Variants in PCDHGB1 observed in about 807,000 individuals in gnomAD.
The protein encoded by PCDHGB1 is protocadherin gamma subfamily B, 1.
In PCDHGB1, 34 loss-of-function variants were observed where a neutral mutation model predicts 56.6. That is an observed-to-expected ratio of 0.60 (90% CI 0.46 to 0.80). PCDHGB1 has a LOEUF of 0.80. PCDHGB1 is among the 30% of genes least tolerant of loss of function. PCDHGB1 has a pLI of 0.00. For synonymous variants in PCDHGB1, 561 were observed against 505.9 expected (o/e 1.11, Z -1.46); for missense variants, 1,278 against 1,204.6 (o/e 1.06, Z -0.90).
intron 1 of PCDHGB1, chr5:141,370,499 C>T (rs552448276): frequency 2.5e-6 from 4 of 1,613,946 alleles, no homozygotes; most frequent in Non-Finnish European, 3.4e-6. Flanking sequence ...CGATCCGCTA[C>T]GCTATTCCCG....
At chr5:141,414,352 T>C in intron 1 of PCDHGB1, 8 of 1,613,968 alleles carry the variant, frequency 5.0e-6, no homozygotes, top group Non-Finnish European at 6.8e-6. Flanking sequence ...CATTTTGGCG[T>C]ATCTACCATT....
At chr5:141,365,152 CG>C in intron 1 of PCDHGB1, 1 of 1,613,880 alleles carries the variant, frequency 6.2e-7, no homozygotes, top group South Asian at 1.1e-5. Context: ...AGGGAATAAA[CG>C]GGAAATTGAC....
intron 1 of PCDHGB1, chr5:141,409,896 C>T (rs1181128940): frequency 6.2e-7 from 1 of 1,613,240 alleles, no homozygotes; most frequent in East Asian, 2.2e-5. Flanking sequence ...GTGCTGTACC[C>T]AGCTCTGGGT....
chr5:141,485,601 G>T lies in PCDHGB1; in HGVS notation c.2410-9206G>T, dbSNP rs762783104. On this transcript the variant is annotated intron_variant, in intron 1 of 3. Transcript: ENST00000523390. The surrounding 1 kb of genome is among the most constrained non-coding windows in gnomAD (Gnocchi z 5.7). ...CGGCAGCAGCTGGACTTGGAAATTG[G>T]GGAGGCAGCTCCTCCAGGACAGCGT... The T allele has an allele frequency of 3.1e-6, 5 of 1,612,290 alleles. No individual in the cohort carries two copies. Among genetic ancestry groups the T allele is most frequent in the Non-Finnish European group, 4.2e-6 (5 of 1,178,722 alleles).
In PCDHGB1 at chr5:141,476,087, C is replaced by T. The variant is rs758610836; in HGVS notation, c.2410-18720C>T. The stretch of plus-strand genomic sequence containing the variant: ...AGCGAAATCTCAGGGACGATCTGGA[C>T]CCCGCTGAGAGGAACTGCTTTTGAG... On this transcript the variant is annotated intron_variant, in intron 1 of 3. Coordinates refer to ENST00000523390, the MANE Select transcript of PCDHGB1 (RefSeq NM_018922.3). This position sits in a 1 kb window ranked among gnomAD's most constrained non-coding sequence, Gnocchi z 7.6. 9 of 1,553,656 alleles carry T rather than the reference C, an allele frequency of 5.8e-6. No individual in the cohort carries two copies. The South Asian group carries it at 1.1e-4, about 19-fold the overall frequency.
intron 1 of PCDHGB1, among the ~76,000 whole-genome samples, chr5:141,406,715 A>G (rs2094843333): frequency 6.6e-6 from 1 of 152,252 alleles, no homozygotes; most frequent in Non-Finnish European, 1.5e-5. Flanking sequence ...CTTGCTCAAG[A>G]GAAGTTTCTA....
At chr5:141,418,295 G>A (rs751665486) in intron 1 of PCDHGB1, 1 of 1,613,996 alleles carries the variant, frequency 6.2e-7, no homozygotes, top group Admixed American at 1.7e-5. Context: ...CAGTGAATCC[G>A]TCAGCCTGGG....
At chr5:141,406,729 C>A (rs1051103218) in intron 1 of PCDHGB1, among the ~76,000 whole-genome samples, 1 of 152,200 alleles carries the variant, frequency 6.6e-6, no homozygotes, top group Non-Finnish European at 1.5e-5. Context: ...GTTTCTAAGA[C>A]TGGACACTGT....
chr5:141,467,912 G>A (rs879405529), intron 1 of PCDHGB1, among the ~76,000 whole-genome samples: 1 of 152,086 alleles, frequency 6.6e-6, no homozygotes, highest in Admixed American at 6.6e-5. Context: ...GCCCACCTCA[G>A]CCTCCCAAAA....
In PCDHGB1 at chr5:141,477,005, T is replaced by C; in HGVS notation, c.2410-17802T>C. The C allele has an allele frequency of 1.2e-6, 2 of 1,614,240 alleles. No individual in the cohort carries two copies. Among genetic ancestry groups the C allele is most frequent in the Non-Finnish European group, 1.7e-6 (2 of 1,180,040 alleles). Reference sequence around the variant, plus strand: ...CGCCGGCGTGCGGCAACTATTCGCCTTAGACCTTGTAACCGGGATGCTGAC... The same window carrying C: ...CGCCGGCGTGCGGCAACTATTCGCCCTAGACCTTGTAACCGGGATGCTGAC... On this transcript the variant is annotated intron_variant, in intron 1 of 3. Transcript: ENST00000523390. The surrounding 1 kb of genome is among the most constrained non-coding windows in gnomAD (Gnocchi z 4.9).
intron 1 of PCDHGB1, among the ~76,000 whole-genome samples, chr5:141,455,445 C>T (rs1175054167): frequency 6.6e-6 from 1 of 152,134 alleles, no homozygotes; most frequent in Non-Finnish European, 1.5e-5. Context: ...TCCCCATCTA[C>T]CGCGGATACC....
chr5:141,410,238 C>CA, intron 1 of PCDHGB1: 1 of 1,614,046 alleles, frequency 6.2e-7, no homozygotes, highest in Non-Finnish European at 8.5e-7. Context: ...AGCGACCGCC[C>CA]TGTACTCTCT....
At chr5:141,427,824 G>A (rs1298494092) in intron 1 of PCDHGB1, 5 of 1,535,458 alleles carry the variant, frequency 3.3e-6, no homozygotes, top group African/African-American at 1.4e-5. Flanking sequence ...GGTGGTGGTC[G>A]CGCAGCGTGC....
intron 1 of PCDHGB1, chr5:141,422,211 C>G: frequency 6.4e-7 from 1 of 1,563,286 alleles, no homozygotes; most frequent in Non-Finnish European, 8.6e-7. Context: ...GTGGAGGTCT[C>G]TTTACCACCA....
chr5:141,361,403 C>T (rs376882541), intron 1 of PCDHGB1: 1 of 1,614,050 alleles, frequency 6.2e-7, no homozygotes, highest in Non-Finnish European at 8.5e-7. Context: ...CTCACCATCA[C>T]AGCCACCGAC....
chr5:141,434,481 A>G (rs2097697198), intron 1 of PCDHGB1, among the ~76,000 whole-genome samples: 1 of 152,246 alleles, frequency 6.6e-6, no homozygotes, highest in Non-Finnish European at 1.5e-5. Context: ...GGCAAGGAAC[A>G]CCTGGCCCGC....
chr5:141,405,351 C>G, intron 1 of PCDHGB1: 1 of 1,614,080 alleles, frequency 6.2e-7, no homozygotes, highest in Non-Finnish European at 8.5e-7. Flanking sequence ...TCCAAGTTTC[C>G]TATAGAAGAC....
At chr5:141,406,940 A>C (rs2094868445) in intron 1 of PCDHGB1, among the ~76,000 whole-genome samples, 1 of 152,212 alleles carries the variant, frequency 6.6e-6, no homozygotes, top group African/African-American at 2.4e-5. Context: ...ATTTAATGTT[A>C]TTTTAAACAT....
chr5:141,352,928 T>C (rs1362352639), intron 1 of PCDHGB1, among the ~76,000 whole-genome samples: 1 of 152,178 alleles, frequency 6.6e-6, no homozygotes, highest in Non-Finnish European at 1.5e-5. Flanking sequence ...GTGGAGATTG[T>C]AGTGAGCCAA....
Sources: gnomAD v4.1 joint callset for allele counts (sites outside exome capture counted in the v4.1 genomes callset) on GRCh38, gnomAD v4.1.1 for gene constraint, Gnocchi (gnomAD v3.1) non-coding constraint, MANE v1.5 for transcripts, NCBI Gene and HGNC (gene_info 2026-07-23, HGNC 2026-07-21) for gene names.